Variants in CACNA2D3 observed in about 807,000 individuals in gnomAD.
CACNA2D3 encodes calcium voltage-gated channel auxiliary subunit alpha2delta 3, also known as voltage-dependent calcium channel subunit alpha-2/delta-3.
A neutral mutation model predicts 160.6 loss-of-function variants in CACNA2D3; 60 were observed. The ratio of observed to expected loss-of-function variants is 0.37; its 90% CI spans 0.30 to 0.46. The LOEUF (loss-of-function observed/expected upper bound fraction) is 0.46. Among genes scored for constraint, CACNA2D3 ranks in the 20% least tolerant of loss-of-function variants. CACNA2D3 has a pLI of 1.00. For synonymous variants in CACNA2D3, 558 were observed against 492.9 expected, an observed-to-expected ratio of 1.13 and a Z score of -1.75; for missense variants, 1,205 against 1,365.0, an observed-to-expected ratio of 0.88 and a Z score of 1.85.
At chr3:54,249,341 T>G (rs1702137539) in intron 2 of CACNA2D3, among the ~76,000 whole-genome samples, 1 of 152,070 alleles carries the variant, frequency 6.6e-6, no homozygotes, top group Admixed American at 6.6e-5. Context: ...CAGATTGCCC[T>G]CTATAATGTG....
At chr3:54,586,757 G>GATA in intron 9 of CACNA2D3, among the ~76,000 whole-genome samples, 1 of 152,206 alleles carries the variant, frequency 6.6e-6, no homozygotes, top group East Asian at 1.9e-4. Context: ...CATTAAGCAA[G>GATA]ATAAAACATC....
At chr3:54,554,268 T>G (rs9842822) in intron 5 of CACNA2D3, among the ~76,000 whole-genome samples, 3 of 152,124 alleles carry the variant, frequency 2.0e-5, no homozygotes, top group Non-Finnish European at 4.4e-5. Flanking sequence ...TCATTACACC[T>G]ATTTCTACTT....
At chr3:54,591,848 G>A (rs557868644) in intron 9 of CACNA2D3, among the ~76,000 whole-genome samples, 78 of 115,050 alleles carry the variant, frequency 6.8e-4, no homozygotes, top group African/African-American at 2.5e-3. Context: ...ATCGATGCTA[G>A]TCTTCTGTCC....
intron 11 of CACNA2D3, among the ~76,000 whole-genome samples, chr3:54,655,974 T>C (rs141767842): frequency 6.8e-4 from 103 of 152,284 alleles, no homozygotes; most frequent in African/African-American, 2.1e-3. Context: ...ATTTAGAAAA[T>C]AGGAGACAAG....
intron 32 of CACNA2D3, 133 bp from the exon 33 acceptor site, chr3:55,007,657 A>G: frequency 1.6e-6 from 1 of 617,900 alleles, no homozygotes; most frequent in Non-Finnish European, 2.8e-6. Context: ...TCACTTAGCT[A>G]GAACGCCACT....
chr3:54,959,091 A>T (rs966316242), intron 27 of CACNA2D3, among the ~76,000 whole-genome samples: 13 of 152,214 alleles, frequency 8.5e-5, no homozygotes, highest in Non-Finnish European at 1.6e-4. Context: ...ACAGAGCAAG[A>T]TCTTGCATCA....
intron 4 of CACNA2D3, among the ~76,000 whole-genome samples, chr3:54,501,590 T>G (rs1362935452): frequency 6.6e-6 from 1 of 151,780 alleles, no homozygotes; most frequent in Non-Finnish European, 1.5e-5. Context: ...TGACTAATTT[T>G]TTTTTTTTTT....
intron 4 of CACNA2D3, among the ~76,000 whole-genome samples, chr3:54,449,920 A>G (rs983442589): frequency 6.6e-6 from 1 of 152,206 alleles, no homozygotes; most frequent in Admixed American, 6.5e-5. Flanking sequence ...CTAAATAAAT[A>G]TATGTCCACA....
chr3:54,477,718 G>A (rs1472699364), intron 4 of CACNA2D3, among the ~76,000 whole-genome samples: 1 of 152,132 alleles, frequency 6.6e-6, no homozygotes, highest in Non-Finnish European at 1.5e-5. Context: ...CCAGGTGTCT[G>A]TCTTCCAACC....
chr3:54,871,440 C>T (rs983257616), intron 17 of CACNA2D3, 99 bp from the exon 18 acceptor site: 4 of 852,724 alleles, frequency 4.7e-6, no homozygotes, highest in East Asian at 2.5e-5. Flanking sequence ...CACTCCCAAG[C>T]CCTGTCCATG....
At chr3:54,927,085 T>C (rs762528926) in intron 27 of CACNA2D3, among the ~76,000 whole-genome samples, 4 of 152,234 alleles carry the variant, frequency 2.6e-5, no homozygotes, top group Non-Finnish European at 5.9e-5. Flanking sequence ...AGTTATCTAC[T>C]CAAAGTGGAA....
chr3:54,928,251 T>C (rs910661843), intron 27 of CACNA2D3, among the ~76,000 whole-genome samples: 1 of 152,206 alleles, frequency 6.6e-6, no homozygotes, highest in South Asian at 2.1e-4. Flanking sequence ...CAAACCTTGG[T>C]GAACAGCTGT....
intron 35 of CACNA2D3, among the ~76,000 whole-genome samples, chr3:55,033,780 A>ATATAAAATATATTTTATATAATATATAT (rs1409510171): frequency 3.1e-5 from 4 of 130,230 alleles, no homozygotes; most frequent in Non-Finnish European, 4.8e-5. Flanking sequence ...AATATGTATT[A>ATATAAAATATATTTTATATAATATATAT]TATATTAAAT....
At chr3:54,297,773 C>A (rs926918280) in intron 2 of CACNA2D3, among the ~76,000 whole-genome samples, 3 of 152,000 alleles carry the variant, frequency 2.0e-5, no homozygotes, top group Admixed American at 2.0e-4. Flanking sequence ...TCCTGACCTC[C>A]CTAGGCAGGA....
In CACNA2D3 at chr3:55,073,789, T is replaced by TTAAG. The variant is rs1225173989; in HGVS notation, c.3115_3118dup (p.Cys1040Ter). The TTAAG allele has an allele frequency of 6.2e-7, 1 of 1,613,482 alleles. No homozygotes were observed. The highest frequency in any genetic ancestry group is 1.1e-5 in the South Asian group (1 of 91,006). On this transcript the variant is annotated frameshift_variant, in exon 37 of 38. Transcript: ENST00000474759. LOFTEE classifies it high-confidence loss of function. ...AACTACAGTCAACATAATGAATCCC[T>TTAAG]TAAGTGTGAACGTCTAAAGGCCCAG...
At chr3:54,631,621 A>C (rs1301262697) in intron 10 of CACNA2D3, among the ~76,000 whole-genome samples, 2 of 152,178 alleles carry the variant, frequency 1.3e-5, no homozygotes, top group Non-Finnish European at 2.9e-5. Flanking sequence ...AATTGAATGG[A>C]GTTTATTCTG....
chr3:54,447,793 A>C, intron 4 of CACNA2D3, among the ~76,000 whole-genome samples: 1 of 152,212 alleles, frequency 6.6e-6, no homozygotes, highest in Admixed American at 6.5e-5. Context: ...TATTGCTGTG[A>C]GCCAACCTTT....
intron 4 of CACNA2D3, among the ~76,000 whole-genome samples, chr3:54,391,516 C>CT (rs758458509): frequency 8.9e-4 from 127 of 142,012 alleles, no homozygotes; most frequent in African/African-American, 2.0e-3. Flanking sequence ...TTCTTTCTTT[C>CT]TTTTTTTTTT....
At chr3:54,240,273 G>T (rs1007385377) in intron 2 of CACNA2D3, among the ~76,000 whole-genome samples, 2 of 152,084 alleles carry the variant, frequency 1.3e-5, no homozygotes, top group African/African-American at 4.8e-5. Context: ...CACCAAAGGG[G>T]CTGGCAGATC....
Sources: gnomAD v4.1 joint callset for allele counts (sites outside exome capture counted in the v4.1 genomes callset) on GRCh38, gnomAD v4.1.1 for gene constraint, MANE v1.5 for transcripts, NCBI Gene and HGNC (gene_info 2026-07-23, HGNC 2026-07-21) for gene names.